WARS2: variants seen among roughly 807,000 people sequenced by gnomAD.
The protein encoded by WARS2 is tryptophan--tRNA ligase, mitochondrial.
In WARS2, 28 loss-of-function variants were observed where a neutral mutation model predicts 36.5. The ratio of observed to expected loss-of-function variants is 0.77; its 90% CI spans 0.57 to 1.05. WARS2 has a LOEUF of 1.05. Ranked by LOEUF, WARS2 falls within the 50% of genes least tolerant of loss-of-function variation. The probability of loss-of-function intolerance (pLI) is 0.00; values close to 1 mark genes in which losing one functional copy is unlikely to be tolerated. For missense variants in WARS2, 435 were observed against 456.8 expected (o/e 0.95, Z 0.44); for synonymous variants, 174 against 178.4 (o/e 0.98, Z 0.20).
chr1:119,111,025 T>A (rs1654594024), intron 1 of WARS2, among the ~76,000 whole-genome samples: 1 of 152,158 alleles, frequency 6.6e-6, no homozygotes, highest in African/African-American at 2.4e-5. Flanking sequence ...AAATTACCTA[T>A]CTGTTCTTTC....
intron 2 of WARS2, among the ~76,000 whole-genome samples, chr1:119,068,749 G>A (rs1378202123): frequency 2.0e-5 from 3 of 151,962 alleles, no homozygotes; most frequent in African/African-American, 4.8e-5. Context: ...CATTAACTAT[G>A]GTGTGGGGAT....
intron 1 of WARS2, among the ~76,000 whole-genome samples, chr1:119,109,513 C>T (rs936089637): frequency 1.3e-5 from 2 of 151,864 alleles, no homozygotes; most frequent in African/African-American, 4.8e-5. Context: ...AGTTGATCCC[C>T]TTTTAGCTAG....
chr1:119,125,159 A>G (rs1655567854), intron 1 of WARS2, among the ~76,000 whole-genome samples: 1 of 152,202 alleles, frequency 6.6e-6, no homozygotes, highest in South Asian at 2.1e-4. Context: ...CTGGTCTTCA[A>G]ACATGACAGT....
intron 1 of WARS2, among the ~76,000 whole-genome samples, chr1:119,122,189 T>A (rs1253311000): frequency 6.6e-6 from 1 of 151,798 alleles, no homozygotes; most frequent in African/African-American, 2.4e-5. Context: ...CTCAAACAAA[T>A]CAGCAAGAAA....
intron 1 of WARS2, chr1:119,126,777 T>C (rs1268890656): frequency 6.8e-6 from 5 of 738,812 alleles, no homozygotes; most frequent in African/African-American, 1.7e-5. Flanking sequence ...AATCAACTTA[T>C]TGACCACCTC....
intron 2 of WARS2, among the ~76,000 whole-genome samples, chr1:119,055,761 G>A (rs1649735558): frequency 6.6e-6 from 1 of 150,430 alleles, no homozygotes; most frequent in Non-Finnish European, 1.5e-5. Flanking sequence ...AAGGAAGGAA[G>A]GAAAGAAAGA....
At chr1:119,112,818 A>G (rs1415034447) in intron 1 of WARS2, among the ~76,000 whole-genome samples, 1 of 152,138 alleles carries the variant, frequency 6.6e-6, no homozygotes, top group Non-Finnish European at 1.5e-5. Context: ...GTAATATATA[A>G]TATTCTTCTG....
intron 1 of WARS2, among the ~76,000 whole-genome samples, chr1:119,115,881 C>T (rs1191453583): frequency 6.6e-6 from 1 of 152,144 alleles, no homozygotes; most frequent in Non-Finnish European, 1.5e-5. Flanking sequence ...AATATTTTTA[C>T]TCTTCCACTA....
intron 2 of WARS2, among the ~76,000 whole-genome samples, chr1:119,046,285 GTTTTTTTTTTTTTTTT>G (rs71070781): frequency 9.9e-6 from 1 of 101,496 alleles, no homozygotes; most frequent in African/African-American, 3.6e-5. Context: ...CTCCTTTTCT[GTTTTTTTTTTTTTTTT>G]TTTTTTTTAA....
At position 119,106,926 on chromosome 1, in the gene WARS2, T is replaced by C. The variant is rs186345374; in HGVS notation, c.91-30319A>G. ...TCTGTACTATTTTGCATTCCCACCA[T>C]CTGTGAATGAAAGTTCTTGTCACTT... On this transcript the variant is annotated intron_variant, in intron 1 of 5. Coordinates refer to ENST00000235521, the MANE Select transcript of WARS2 (RefSeq NM_015836.4). Among the ~76,000 whole-genome samples the C allele has an allele frequency of 1.7e-4, 26 of 152,300 alleles. No homozygotes were observed. In the East Asian group the frequency reaches 3.9e-3, roughly 23 times the overall value.
chr1:119,094,447 G>A (rs1192426259), intron 1 of WARS2, among the ~76,000 whole-genome samples: 1 of 150,998 alleles, frequency 6.6e-6, no homozygotes, highest in African/African-American at 2.4e-5. Flanking sequence ...TTTGAGATAT[G>A]TGTTTGTTTT....
intron 1 of WARS2, among the ~76,000 whole-genome samples, chr1:119,095,967 T>A (rs987041921): frequency 6.6e-6 from 1 of 152,206 alleles, no homozygotes; most frequent in African/African-American, 2.4e-5. Flanking sequence ...TACCATCACA[T>A]TGAATCTTCC....
At chr1:119,057,956 C>G (rs1439273694) in intron 2 of WARS2, among the ~76,000 whole-genome samples, 1 of 152,110 alleles carries the variant, frequency 6.6e-6, no homozygotes, top group African/African-American at 2.4e-5. Flanking sequence ...GAGGCTTTAT[C>G]TTTTGATGAA....
At chr1:119,125,702 CT>C (rs1655608933) in intron 1 of WARS2, among the ~76,000 whole-genome samples, 1 of 152,282 alleles carries the variant, frequency 6.6e-6, no homozygotes, top group African/African-American at 2.4e-5. Flanking sequence ...GATATTTACA[CT>C]TATTCAGGCC....
intron 2 of WARS2, among the ~76,000 whole-genome samples, chr1:119,061,653 C>G (rs1297811773): frequency 6.6e-6 from 1 of 151,988 alleles, no homozygotes; most frequent in African/African-American, 2.4e-5. Context: ...TTAAAGTGTT[C>G]ACAGGTTATT....
chr1:119,113,482 A>G (rs1654778135), intron 1 of WARS2, among the ~76,000 whole-genome samples: 1 of 152,194 alleles, frequency 6.6e-6, no homozygotes, highest in South Asian at 2.1e-4. Flanking sequence ...CAGATAGCAG[A>G]TTCCTTAAGA....
At chr1:119,085,937 C>T (rs1652622763) in intron 1 of WARS2, 1 of 1,610,390 alleles carries the variant, frequency 6.2e-7, no homozygotes, top group Admixed American at 1.7e-5. Context: ...TCAGCTTCAC[C>T]TTAGTTAAAG....
chr1:119,126,628 T>C, intron 1 of WARS2: 1 of 697,128 alleles, frequency 1.4e-6, no homozygotes, highest in East Asian at 2.6e-5. Context: ...CCAAAACTAT[T>C]ACCTTCACCA....
At chr1:119,058,808 T>A (rs1425515047) in intron 2 of WARS2, among the ~76,000 whole-genome samples, 3 of 142,896 alleles carry the variant, frequency 2.1e-5, no homozygotes, top group East Asian at 1.9e-4. Flanking sequence ...ATTTATAGTC[T>A]TTTGGGTATA....
Sources: gnomAD v4.1 joint callset for allele counts (sites outside exome capture counted in the v4.1 genomes callset) on GRCh38, gnomAD v4.1.1 for gene constraint, MANE v1.5 for transcripts, NCBI Gene and HGNC (gene_info 2026-07-23, HGNC 2026-07-21) for gene names.